GMPS: variants seen among roughly 807,000 people sequenced by gnomAD.
The protein encoded by GMPS is GMP synthase [glutamine-hydrolyzing].
Under a neutral mutation model 77.9 loss-of-function variants are expected in GMPS, and 15 were observed. The ratio of observed to expected loss-of-function variants is 0.19; its 90% CI spans 0.13 to 0.30. The LOEUF is 0.30. Among genes scored for constraint, GMPS ranks in the 10% least tolerant of loss-of-function variants. GMPS has a pLI of 1.00. For missense variants in GMPS, 590 were observed against 838.8 expected (o/e 0.70, Z 3.66); for synonymous variants, 224 against 275.9 (o/e 0.81, Z 1.86).
At chr3:155,931,740 T>A in intron 12 of GMPS, 25 bp from the exon 13 acceptor site, 1 of 959,982 alleles carries the variant, frequency 1.0e-6, no homozygotes, top group South Asian at 1.3e-5. Flanking sequence ...CTATTAAAAA[T>A]TATTGATTAT....
At chr3:155,877,687 A>G (rs1448010602) in intron 1 of GMPS, among the ~76,000 whole-genome samples, 1 of 152,044 alleles carries the variant, frequency 6.6e-6, no homozygotes, top group South Asian at 2.1e-4. Context: ...ATTTCTCACA[A>G]TTCTGAACGC....
At chr3:155,893,842 G>A in intron 2 of GMPS, 143 bp downstream of exon 2, 4 of 528,836 alleles carry the variant, frequency 7.6e-6, no homozygotes, top group Non-Finnish European at 3.2e-6. Flanking sequence ...GCTCTGATTT[G>A]GGGAGAAAAA....
At chr3:155,873,731 T>G (rs1361669034) in intron 1 of GMPS, among the ~76,000 whole-genome samples, 1 of 146,304 alleles carries the variant, frequency 6.8e-6, no homozygotes, top group Non-Finnish European at 1.5e-5. Flanking sequence ...GCCTCCTAGG[T>G]TCACGCAGTT....
In GMPS at chr3:155,906,109, A is replaced by C. The variant is rs565524403; in HGVS notation, c.423-51A>C. The C allele has an allele frequency of 3.1e-5, 34 of 1,081,170 alleles. No individual in the cohort carries two copies. In the African/African-American group the frequency reaches 4.2e-4, roughly 13 times the overall value. 67.0% of individuals were successfully genotyped at this position (1,081,170 alleles called of 1,614,324 possible). On this transcript the variant is annotated intron_variant, in intron 4 of 15. Coordinates refer to ENST00000496455, the MANE Select transcript of GMPS (RefSeq NM_003875.3). ...TGTTTCTAAAACAAAAGAACCCATGAATCATGTTTTTAATTAAGATATTTG... is the reference window on the plus strand; with the variant it reads ...TGTTTCTAAAACAAAAGAACCCATGCATCATGTTTTTAATTAAGATATTTG...
chr3:155,885,811 G>A (rs1286909644), intron 1 of GMPS, among the ~76,000 whole-genome samples: 1 of 151,850 alleles, frequency 6.6e-6, no homozygotes, highest in Non-Finnish European at 1.5e-5. Context: ...TACACATAGG[G>A]TTTTGTTTTG....
intron 3 of GMPS, among the ~76,000 whole-genome samples, chr3:155,900,219 T>C (rs1351395709): frequency 6.6e-6 from 1 of 152,158 alleles, no homozygotes; most frequent in Non-Finnish European, 1.5e-5. Flanking sequence ...CAATTTTGCA[T>C]TTTACAGTAA....
intron 1 of GMPS, among the ~76,000 whole-genome samples, chr3:155,873,884 C>G (rs1230270836): frequency 6.6e-6 from 1 of 151,232 alleles, no homozygotes; most frequent in Non-Finnish European, 1.5e-5. Context: ...ATCCACCTGC[C>G]TCAGCCTCCC....
intron 3 of GMPS, among the ~76,000 whole-genome samples, chr3:155,902,844 AAG>A (rs1172487977): frequency 1.3e-5 from 2 of 152,210 alleles, no homozygotes; most frequent in African/African-American, 2.4e-5. Flanking sequence ...TGTGCTACAG[AAG>A]AGAGTTTTGT....
chr3:155,916,421 T>G (rs1407907490), intron 9 of GMPS, among the ~76,000 whole-genome samples: 1 of 151,900 alleles, frequency 6.6e-6, no homozygotes, highest in Non-Finnish European at 1.5e-5. Context: ...CCTTTCCTCC[T>G]TTCTTGCCAG....
intron 1 of GMPS, among the ~76,000 whole-genome samples, chr3:155,890,124 A>G (rs937211266): frequency 1.3e-5 from 2 of 152,204 alleles, no homozygotes; most frequent in Non-Finnish European, 2.9e-5. Flanking sequence ...CTGAATTGTC[A>G]AAGCTGTGAC....
Position 155,941,409 on chromosome 3 carries a change from A to AT in GMPS, c.*3717_*3718insT, listed in dbSNP as rs1381743878. The AT allele has an allele frequency of 5.3e-6, 1 of 189,746 alleles. No individual in the cohort carries two copies. The highest frequency in any genetic ancestry group is 1.1e-5 in the Non-Finnish European group (1 of 90,718). 11.8% of individuals were successfully genotyped at this position (189,746 alleles called of 1,614,324 possible). ...AAGAGCGAGACTCAGTCTCAAAAAA[A>AT]AAAAAAAAAGGAAGTTCTTAGTGTG... On this transcript the variant is annotated 3_prime_UTR_variant, in exon 16 of 16. Coordinates refer to ENST00000496455, the MANE Select transcript of GMPS (RefSeq NM_003875.3).
chr3:155,931,459 T>C (rs1174338003), intron 12 of GMPS, among the ~76,000 whole-genome samples: 1 of 152,164 alleles, frequency 6.6e-6, no homozygotes, highest in East Asian at 1.9e-4. Flanking sequence ...GTGCTGGGAT[T>C]ACAGGCATGA....
At chr3:155,886,935 T>A (rs1016367539) in intron 1 of GMPS, among the ~76,000 whole-genome samples, 21 of 152,134 alleles carry the variant, frequency 1.4e-4, no homozygotes, top group African/African-American at 5.1e-4. Context: ...TTCTGCAACT[T>A]TATGTGACTC....
Position 155,942,268 on chromosome 3 carries a change from T to G in GMPS, c.*4576T>G, listed in dbSNP as rs1183936805. ...CGCCCGGCTAATTTTTTTGTACTTT[T>G]TAGTAGAGACAGGGTTTCACTGTGT... is the stretch of plus-strand genomic sequence containing the variant. On this transcript the variant is annotated 3_prime_UTR_variant, in exon 16 of 16. Transcript: ENST00000496455. 2 of 183,022 alleles carry G rather than the reference T, an allele frequency of 1.1e-5. No individual in the cohort carries two copies. The highest frequency in any genetic ancestry group is 1.2e-5 in the Non-Finnish European group (1 of 86,294). 11.3% of individuals were successfully genotyped at this position (183,022 alleles called of 1,614,324 possible). A position where few individuals can be genotyped will look rare whatever the true frequency, so the allele number is the denominator to read the frequency against.
At chr3:155,892,798 T>C (rs1298074555) in intron 1 of GMPS, among the ~76,000 whole-genome samples, 1 of 152,070 alleles carries the variant, frequency 6.6e-6, no homozygotes, top group African/African-American at 2.4e-5. Context: ...GCCCAACTAA[T>C]TTTTTGTATT....
intron 11 of GMPS, among the ~76,000 whole-genome samples, chr3:155,922,670 G>C (rs1373292935): frequency 6.6e-6 from 1 of 152,076 alleles, no homozygotes; most frequent in African/African-American, 2.4e-5. Flanking sequence ...CTAGGATTTG[G>C]GTTTTTACAA....
At chr3:155,915,886 T>C (rs1306112689) in intron 8 of GMPS, 133 bp from the exon 9 acceptor site, 4 of 637,558 alleles carry the variant, frequency 6.3e-6, no homozygotes, top group Non-Finnish European at 8.1e-6. Context: ...AAGGAGTTTA[T>C]TTTGGAGATT....
intron 1 of GMPS, among the ~76,000 whole-genome samples, chr3:155,873,592 C>T (rs1450047538): frequency 4.2e-5 from 6 of 144,376 alleles, no homozygotes; most frequent in Non-Finnish European, 7.5e-5. Flanking sequence ...TTTTTATTTC[C>T]GTATGTTATT....
At chr3:155,880,290 T>G (rs1354995021) in intron 1 of GMPS, among the ~76,000 whole-genome samples, 2 of 152,202 alleles carry the variant, frequency 1.3e-5, no homozygotes, top group African/African-American at 4.8e-5. Context: ...CTTAGGGTTT[T>G]TTAACAGACT....
Sources: allele counts gnomAD v4.1 joint callset (sites outside exome capture counted in the v4.1 genomes callset), GRCh38; gene constraint gnomAD v4.1.1; transcripts MANE v1.5; gene names NCBI Gene and HGNC (gene_info 2026-07-23, HGNC 2026-07-21).